PHF24: variants seen among roughly 807,000 people sequenced by gnomAD.
PHF24 encodes Galpha inhibitory interacting protein.
Under a neutral mutation model 42.6 loss-of-function variants are expected in PHF24, and 25 were observed. The ratio of observed to expected loss-of-function variants is 0.59; its 90% confidence interval spans 0.43 to 0.82. The LOEUF (loss-of-function observed/expected upper bound fraction) is 0.82, where lower values mean the gene tolerates loss of function less well. Ranked by LOEUF, PHF24 falls within the 40% of genes least tolerant of loss-of-function variation. The pLI, the probability that PHF24 is intolerant of heterozygous loss-of-function variation, is 0.00. For synonymous variants in PHF24, 185 were observed against 204.8 expected (o/e 0.90, Z 0.83); for missense variants, 470 against 538.1 (o/e 0.87, Z 1.25).
chr9:34,675,058 G>A, the PHF24 span, among the ~76,000 whole-genome samples: 1 of 151,978 alleles, frequency 6.6e-6, no homozygotes, highest in Non-Finnish European at 1.5e-5. Flanking sequence ...GGGTTTCACC[G>A]TGTTGCCCAG....
the PHF24 span, chr9:34,728,062 C>T: frequency 6.4e-7 from 1 of 1,552,002 alleles, no homozygotes; most frequent in Non-Finnish European, 8.7e-7. Context: ...TTCTCAGCTT[C>T]TTCCCGGGAA....
At chr9:34,953,350 T>C (rs1826303081), upstream of PHF24, among the ~76,000 whole-genome samples, 1 of 152,196 alleles carries the variant, frequency 6.6e-6, no homozygotes, top group South Asian at 2.1e-4. This position sits in a 1 kb window ranked among gnomAD's most constrained non-coding sequence, Gnocchi z 4.1. Flanking sequence ...GGGGTCTTGC[T>C]ATGTTGACCA....
the PHF24 span, chr9:34,832,954 G>A: frequency 1.3e-6 from 2 of 1,551,750 alleles, no homozygotes; most frequent in Non-Finnish European, 1.7e-6. Context: ...TAAACTGAGG[G>A]TGATGCTGGG....
At chr9:34,728,217 C>A in the PHF24 span, 1 of 710,728 alleles carries the variant, frequency 1.4e-6, no homozygotes, top group South Asian at 1.9e-5. Flanking sequence ...TAAGGCATGT[C>A]TGAGTACAGC....
At chr9:34,857,754 C>A in the PHF24 span, among the ~76,000 whole-genome samples, 10 of 152,180 alleles carry the variant, frequency 6.6e-5, no homozygotes, top group Non-Finnish European at 1.5e-4. Flanking sequence ...TTTGCCCCAT[C>A]CCCCTGACTG....
chr9:34,925,566 G>A, the PHF24 span, among the ~76,000 whole-genome samples: 1 of 151,868 alleles, frequency 6.6e-6, no homozygotes. Flanking sequence ...GTCTATTATT[G>A]AAGTTGTGGA....
chr9:34,777,413 A>G, the PHF24 span, among the ~76,000 whole-genome samples: 4 of 152,204 alleles, frequency 2.6e-5, no homozygotes, highest in East Asian at 1.9e-4. Flanking sequence ...TCAGATGCCA[A>G]TGGTGGTGGA....
intron 4 of PHF24, 142 bp from the exon 5 acceptor site, chr9:34,976,393 C>A: frequency 9.6e-7 from 1 of 1,037,810 alleles, no homozygotes; most frequent in Non-Finnish European, 1.4e-6. Flanking sequence ...ATCCCTGTCA[C>A]AGCCTGGGTG....
chr9:34,833,948 A>G, the PHF24 span: 1 of 1,543,338 alleles, frequency 6.5e-7, no homozygotes, highest in Non-Finnish European at 8.8e-7. Context: ...CAGCCCCGAC[A>G]GGAAGGCCAG....
the PHF24 span, among the ~76,000 whole-genome samples, chr9:34,676,379 C>A: frequency 6.6e-6 from 1 of 152,176 alleles, no homozygotes; most frequent in East Asian, 1.9e-4. Context: ...CAAAACTTTG[C>A]TGGGCATGGT....
At chr9:34,877,730 AT>A in the PHF24 span, among the ~76,000 whole-genome samples, 25 of 151,428 alleles carry the variant, frequency 1.7e-4, no homozygotes, top group South Asian at 6.3e-4. Context: ...AACACAGGGG[AT>A]TTTTTTTTAT....
At position 34,972,541 on chromosome 9, in the gene PHF24, G is replaced by C; in HGVS notation, c.564+10G>C. The C allele has an allele frequency of 6.3e-7, 1 of 1,592,050 alleles. No homozygotes were observed. Among genetic ancestry groups the C allele is most frequent in the Non-Finnish European group, 8.6e-7 (1 of 1,167,074 alleles). On this transcript the variant is annotated intron_variant, in intron 3 of 7. Transcript: ENST00000242315. ...GAGCTGCCACTACTGTGTAAGTCTG[G>C]ACTGCAGGGACAGCAGAGGACTTGG...
chr9:34,759,957 G>T, the PHF24 span, among the ~76,000 whole-genome samples: 1 of 152,176 alleles, frequency 6.6e-6, no homozygotes, highest in Non-Finnish European at 1.5e-5. Context: ...TGCTTGTGCG[G>T]ACAGGACAGT....
At chr9:34,940,090 G>A in the PHF24 span, among the ~76,000 whole-genome samples, 1 of 151,870 alleles carries the variant, frequency 6.6e-6, no homozygotes, top group African/African-American at 2.4e-5. Context: ...AGAGGGAGGT[G>A]GGGGGAAAGT....
chr9:34,780,298 C>CTTTTTTTTTTTT, the PHF24 span, among the ~76,000 whole-genome samples: 3 of 63,896 alleles, frequency 4.7e-5, no homozygotes, highest in South Asian at 5.3e-4. Flanking sequence ...TTCTTTTTTT[C>CTTTTTTTTTTTT]TTTTTTTTTT....
At chr9:34,934,998 T>C in the PHF24 span, among the ~76,000 whole-genome samples, 1 of 152,102 alleles carries the variant, frequency 6.6e-6, no homozygotes, top group East Asian at 1.9e-4. Flanking sequence ...GATGTGAATA[T>C]AGATAAAGGA....
the PHF24 span, among the ~76,000 whole-genome samples, chr9:34,757,267 G>GT: frequency 0.19 from 28,198 of 146,052 alleles, 3,107 homozygotes; most frequent in African/African-American, 0.3. Flanking sequence ...TTTATTTCTA[G>GT]TTTTTTTTTT....
chr9:34,932,984 CTTTTTTTTT>C, the PHF24 span, among the ~76,000 whole-genome samples: 217 of 121,422 alleles, frequency 1.8e-3, 1 homozygote, highest in African/African-American at 6.5e-3. Context: ...AGCAGGAACT[CTTTTTTTTT>C]TTTTTTTTTT....
chr9:34,690,197 C>A, the PHF24 span: 1 of 1,613,968 alleles, frequency 6.2e-7, no homozygotes, highest in South Asian at 1.1e-5. Context: ...TAGACACCCT[C>A]CCCACAACTC....
Sources: allele counts gnomAD v4.1 joint callset (sites outside exome capture counted in the v4.1 genomes callset), GRCh38; gene constraint gnomAD v4.1.1; non-coding constraint Gnocchi (gnomAD v3.1); transcripts MANE v1.5; gene names NCBI Gene and HGNC (gene_info 2026-07-23, HGNC 2026-07-21).